TRAF3: variants seen among roughly 807,000 people sequenced by gnomAD.
TRAF3 encodes the protein TNF receptor associated factor 3.
In TRAF3, 13 loss-of-function variants were observed where a neutral mutation model predicts 62.3. That is an observed-to-expected ratio of 0.21 (90% CI 0.14 to 0.33). The LOEUF is 0.33. TRAF3 is among the 10% of genes least tolerant of loss of function. The pLI is 1.00. For synonymous variants in TRAF3, 269 were observed against 283.4 expected, an observed-to-expected ratio of 0.95 and a Z score of 0.51; for missense variants, 440 against 741.8, an observed-to-expected ratio of 0.59 and a Z score of 4.73.
At chr14:102,863,725 G>A (rs1393095803) in intron 2 of TRAF3, among the ~76,000 whole-genome samples, 2 of 152,166 alleles carry the variant, frequency 1.3e-5, no homozygotes, top group African/African-American at 4.8e-5. Flanking sequence ...TCTATTGTTT[G>A]CCTCAACTGT....
At chr14:102,818,213 G>T (rs1329059749) in intron 1 of TRAF3, among the ~76,000 whole-genome samples, 1 of 152,150 alleles carries the variant, frequency 6.6e-6, no homozygotes, top group Non-Finnish European at 1.5e-5. Context: ...GTGAGCTGGG[G>T]GTAGTGCTGT....
chr14:102,905,737 AT>A lies in TRAF3; in HGVS notation c.1665del (p.Phe555LeufsTer5). ...TGGGACATATATTAAAGATGATACA[AT>A]TTTTATTAAAGTCATAGTGGATACT... ...ENGTYIKDDT[I>X]FIKVIVDTSD... On this transcript the variant is annotated frameshift_variant, in exon 12 of 12. Transcript: ENST00000392745. LOFTEE classifies it high-confidence loss of function. The A allele has an allele frequency of 6.2e-7, 1 of 1,612,796 alleles. No individual in the cohort carries two copies. Among genetic ancestry groups the A allele is most frequent in the Non-Finnish European group, 8.5e-7 (1 of 1,179,320 alleles).
chr14:102,853,196 T>C (rs904597283), intron 2 of TRAF3, among the ~76,000 whole-genome samples: 5 of 152,052 alleles, frequency 3.3e-5, no homozygotes, highest in African/African-American at 1.2e-4. Flanking sequence ...CCATTGCACC[T>C]GGCCTTTATT....
intron 2 of TRAF3, among the ~76,000 whole-genome samples, chr14:102,850,649 C>T (rs1886977743): frequency 1.4e-5 from 2 of 144,460 alleles, no homozygotes; most frequent in African/African-American, 5.3e-5. Context: ...AAGATTGCGC[C>T]ACTGCACTCC....
At chr14:102,838,763 C>A (rs1886183081) in intron 2 of TRAF3, among the ~76,000 whole-genome samples, 1 of 152,076 alleles carries the variant, frequency 6.6e-6, no homozygotes, top group African/African-American at 2.4e-5. Context: ...CAGAGGCTGG[C>A]TCGGAAGCAG....
At chr14:102,884,607 C>T (rs972400466) in intron 6 of TRAF3, among the ~76,000 whole-genome samples, 12 of 152,012 alleles carry the variant, frequency 7.9e-5, no homozygotes, top group African/African-American at 1.5e-4. Flanking sequence ...GTCAGGAGTT[C>T]GAGACCAGCC....
At chr14:102,813,840 G>A (rs114944589) in intron 1 of TRAF3, among the ~76,000 whole-genome samples, 1 of 151,872 alleles carries the variant, frequency 6.6e-6, no homozygotes, top group East Asian at 1.9e-4. Flanking sequence ...TGAATAGTTC[G>A]CAAATACTTT....
intron 1 of TRAF3, among the ~76,000 whole-genome samples, chr14:102,791,627 A>G (rs984759001): frequency 2.0e-5 from 3 of 152,148 alleles, no homozygotes; most frequent in Non-Finnish European, 4.4e-5. Flanking sequence ...TCACCTGCAT[A>G]TATAATTTAC....
chr14:102,842,073 C>T (rs1046592902), intron 2 of TRAF3, among the ~76,000 whole-genome samples: 5 of 151,788 alleles, frequency 3.3e-5, no homozygotes, highest in Non-Finnish European at 5.9e-5. Context: ...GGCGAAACCT[C>T]GTCTCTACTG....
chr14:102,865,645 A>G (rs931401300), intron 2 of TRAF3, among the ~76,000 whole-genome samples: 11 of 151,972 alleles, frequency 7.2e-5, no homozygotes, highest in African/African-American at 1.9e-4. Context: ...GACTACAGGC[A>G]TGTGCCACCA....
At chr14:102,856,519 A>G (rs1164471439) in intron 2 of TRAF3, among the ~76,000 whole-genome samples, 1 of 152,174 alleles carries the variant, frequency 6.6e-6, no homozygotes, top group Non-Finnish European at 1.5e-5. Context: ...TTTCATCGCC[A>G]TCTTGGTTTT....
chr14:102,889,697 A>G, intron 8 of TRAF3, 63 bp downstream of exon 8: 1 of 1,571,342 alleles, frequency 6.4e-7, no homozygotes, highest in Non-Finnish European at 8.8e-7. Context: ...AAGTTATTAT[A>G]TTAACATTTT....
intron 1 of TRAF3, among the ~76,000 whole-genome samples, chr14:102,809,602 G>T (rs534483325): frequency 7.0e-6 from 1 of 143,802 alleles, no homozygotes; most frequent in South Asian, 2.2e-4. Context: ...GCGCAATCTC[G>T]GCTCACTGCA....
chr14:102,805,209 A>G (rs1328919860), intron 1 of TRAF3, among the ~76,000 whole-genome samples: 2 of 152,200 alleles, frequency 1.3e-5, no homozygotes, highest in Non-Finnish European at 2.9e-5. Flanking sequence ...CACCACTCCC[A>G]TCATGGGGGA....
In TRAF3 at chr14:102,794,802, CT is replaced by C. The variant is rs142579587; in HGVS notation, c.-157+17131del. Among the ~76,000 whole-genome samples the C allele has an allele frequency of 8.8e-3, 1,333 of 152,264 alleles. 18 individuals are homozygous for C. The highest frequency in any genetic ancestry group is 0.027 in the Middle Eastern group (8 of 294). ...TTCTGAATCAATAATTTCTAAAAAA[CT>C]TTTGGAGTATACCTATTCATAAAAT... On this transcript the variant is annotated intron_variant, in intron 1 of 11. Transcript: ENST00000392745.
intron 2 of TRAF3, among the ~76,000 whole-genome samples, chr14:102,840,298 C>CT (rs1886300946): frequency 1.3e-5 from 2 of 152,182 alleles, no homozygotes; most frequent in Admixed American, 1.3e-4. Context: ...TCATAGCTCA[C>CT]TACAGCTATG....
At chr14:102,842,221 C>T (rs1254110413) in intron 2 of TRAF3, among the ~76,000 whole-genome samples, 2 of 149,976 alleles carry the variant, frequency 1.3e-5, no homozygotes, top group African/African-American at 2.5e-5. Flanking sequence ...TCCAGCCTGG[C>T]GACAGAGCAA....
chr14:102,787,412 C>T (rs1248913058), intron 1 of TRAF3, among the ~76,000 whole-genome samples: 1 of 151,696 alleles, frequency 6.6e-6, no homozygotes, highest in Non-Finnish European at 1.5e-5. Context: ...CGTGGTGGCT[C>T]ACGCCTGTAA....
chr14:102,836,159 C>T (rs1301552460), intron 2 of TRAF3, among the ~76,000 whole-genome samples: 1 of 152,236 alleles, frequency 6.6e-6, no homozygotes, highest in Non-Finnish European at 1.5e-5. Flanking sequence ...GCAAGGTGTA[C>T]TGCCTGCACA....
Sources: allele counts gnomAD v4.1 joint callset (sites outside exome capture counted in the v4.1 genomes callset), GRCh38; gene constraint gnomAD v4.1.1; transcripts MANE v1.5; gene names NCBI Gene and HGNC (gene_info 2026-07-23, HGNC 2026-07-21).